The following MAML3 variants were observed in gnomAD, a reference collection of about 807,000 sequenced individuals.
The protein encoded by MAML3 is mastermind like transcriptional coactivator 3, also known as mastermind-like protein 3.
In MAML3, 27 loss-of-function variants were observed where a neutral mutation model predicts 101.9. That is an observed-to-expected ratio of 0.27 (90% CI 0.20 to 0.37). The LOEUF is 0.37. MAML3 is among the 10% of genes least tolerant of loss of function. The pLI is 1.00. For missense variants in MAML3, 1,316 were observed against 1,444.9 expected, an observed-to-expected ratio of 0.91 and a Z score of 1.45; for synonymous variants, 501 against 555.9, an observed-to-expected ratio of 0.90 and a Z score of 1.39.
chr4:140,132,573 A>C (rs529536591), intron 1 of MAML3, among the ~76,000 whole-genome samples: 2 of 152,356 alleles, frequency 1.3e-5, no homozygotes, highest in South Asian at 4.1e-4. Context: ...GGCTGTTTGA[A>C]CACTACTCAG....
At chr4:139,838,954 C>A (rs1731309979) in intron 2 of MAML3, among the ~76,000 whole-genome samples, 1 of 152,162 alleles carries the variant, frequency 6.6e-6, no homozygotes, top group South Asian at 2.1e-4. Flanking sequence ...TTTCTGAGAT[C>A]TTCTCTTCTG....
intron 1 of MAML3, among the ~76,000 whole-genome samples, chr4:140,152,583 C>G (rs531057451): frequency 6.6e-6 from 1 of 151,846 alleles, no homozygotes; most frequent in African/African-American, 2.4e-5. Context: ...CACCTCACTC[C>G]GACGCTCCTC....
chr4:139,844,927 T>C (rs1029235053), intron 2 of MAML3, among the ~76,000 whole-genome samples: 4 of 152,214 alleles, frequency 2.6e-5, no homozygotes, highest in Admixed American at 6.5e-5. Flanking sequence ...TTCCTTTCCT[T>C]TTGATATCAT....
intron 1 of MAML3, among the ~76,000 whole-genome samples, chr4:140,108,282 C>G (rs59108273): frequency 0.037 from 5,683 of 152,030 alleles, 293 homozygotes; most frequent in African/African-American, 0.12. Flanking sequence ...CTACCACGGG[C>G]TACTCTTGGG....
intron 1 of MAML3, among the ~76,000 whole-genome samples, chr4:140,113,222 T>A (rs1728466948): frequency 6.6e-6 from 1 of 151,998 alleles, no homozygotes; most frequent in African/African-American, 2.4e-5. Flanking sequence ...GAGCTTGCAG[T>A]GAGCCGAGAC....
intron 1 of MAML3, among the ~76,000 whole-genome samples, chr4:140,144,114 A>T (rs1729017771): frequency 6.6e-6 from 1 of 152,164 alleles, no homozygotes; most frequent in South Asian, 2.1e-4. Flanking sequence ...GTAGGATATT[A>T]GTAGAATCCC....
intron 2 of MAML3, among the ~76,000 whole-genome samples, chr4:139,843,371 C>T (rs1259451021): frequency 1.3e-5 from 2 of 152,176 alleles, no homozygotes; most frequent in African/African-American, 4.8e-5. Flanking sequence ...TTAGAAAACA[C>T]ACCAGAAAAT....
chr4:139,789,376 A>G (rs1039105604), intron 2 of MAML3, among the ~76,000 whole-genome samples: 1 of 152,086 alleles, frequency 6.6e-6, no homozygotes, highest in African/African-American at 2.4e-5. Flanking sequence ...AGGGTGTTGG[A>G]GCTGAGTCTG....
chr4:140,131,183 GC>G (rs1441679434), intron 1 of MAML3, among the ~76,000 whole-genome samples: 1 of 152,180 alleles, frequency 6.6e-6, no homozygotes, highest in Admixed American at 6.5e-5. Context: ...GAAGAAGGAT[GC>G]AGATATTCCT....
In MAML3 at chr4:139,726,915, C is replaced by G. The variant is rs959156736; in HGVS notation, c.2332-1080G>C. On this transcript the variant is annotated intron_variant, in intron 3 of 4. Coordinates refer to ENST00000509479, the MANE Select transcript of MAML3 (RefSeq NM_018717.5). ...AGAGAAAGAGGTTTCAGTTCTAGGTCTGCCGTCAAGTAGCTTGCGTGACCT... is the reference window on the plus strand; with the variant it reads ...AGAGAAAGAGGTTTCAGTTCTAGGTGTGCCGTCAAGTAGCTTGCGTGACCT... 2.0e-5 allele frequency among the ~76,000 whole-genome samples: 3 copies of G among 152,186 alleles called. No individual in the cohort carries two copies. The South Asian group carries it at 6.2e-4, about 31-fold the overall frequency.
At chr4:139,927,425 A>C (rs962844182) in intron 1 of MAML3, among the ~76,000 whole-genome samples, 5 of 152,180 alleles carry the variant, frequency 3.3e-5, no homozygotes, top group Admixed American at 2.0e-4. Context: ...TTGGTAGCAA[A>C]TAAGCATTTT....
chr4:140,012,439 TTC>T (rs1241170782), intron 1 of MAML3, among the ~76,000 whole-genome samples: 2 of 152,162 alleles, frequency 1.3e-5, no homozygotes, highest in East Asian at 3.9e-4. Flanking sequence ...AGTTCATCAG[TTC>T]TTTCTTCCTC....
At chr4:139,936,510 A>G (rs908693398) in intron 1 of MAML3, among the ~76,000 whole-genome samples, 6 of 152,130 alleles carry the variant, frequency 3.9e-5, no homozygotes, top group Non-Finnish European at 2.9e-5. Flanking sequence ...ATGCTCACCA[A>G]TATTGTTCTA....
intron 1 of MAML3, among the ~76,000 whole-genome samples, chr4:140,082,497 C>T (rs369776861): frequency 2.0e-5 from 3 of 152,166 alleles, no homozygotes; most frequent in Admixed American, 6.5e-5. Flanking sequence ...TTCCTCCCTG[C>T]CTGGTTGCCT....
At chr4:139,843,496 C>A (rs189412248) in intron 2 of MAML3, among the ~76,000 whole-genome samples, 4 of 152,266 alleles carry the variant, frequency 2.6e-5, no homozygotes, top group Admixed American at 2.6e-4. Flanking sequence ...TCTTAATTAC[C>A]CATGTTTAAG....
At position 139,735,801 on chromosome 4, in the gene MAML3, G is replaced by C. The variant is rs530971619; in HGVS notation, c.2080-5134C>G. ...CCCGGCAGGACCTAGACTGCCTCTC[G>C]GCGCAGGCGGCCCTAACAAAGAAGC... On this transcript the variant is annotated intron_variant, in intron 2 of 4. Transcript: ENST00000509479. The surrounding 1 kb of genome is among the most constrained non-coding windows in gnomAD (Gnocchi z 5.8). 1.7e-3 allele frequency among the ~76,000 whole-genome samples: 261 copies of C among 152,216 alleles called. 2 individuals are homozygous for C. The highest frequency in any genetic ancestry group is 5.7e-3 in the African/African-American group (236 of 41,536).
At chr4:140,143,979 G>A (rs1350678812) in intron 1 of MAML3, among the ~76,000 whole-genome samples, 4 of 152,070 alleles carry the variant, frequency 2.6e-5, no homozygotes, top group South Asian at 2.1e-4. Flanking sequence ...GAGTAATGCC[G>A]CATGTGTAAA....
chr4:139,943,745 GTAGCAGA>G (rs1215445024), intron 1 of MAML3, among the ~76,000 whole-genome samples: 4 of 151,870 alleles, frequency 2.6e-5, no homozygotes, highest in Non-Finnish European at 2.9e-5. Context: ...TCCTCTTGCA[GTAGCAGA>G]TTTTGTATGC....
intron 2 of MAML3, among the ~76,000 whole-genome samples, chr4:139,888,085 G>C (rs995998733): frequency 2.0e-5 from 3 of 152,178 alleles, no homozygotes; most frequent in African/African-American, 7.2e-5. Flanking sequence ...GGGGTTGTAA[G>C]GCTGAGGACA....
Sources: gnomAD v4.1 joint callset for allele counts (sites outside exome capture counted in the v4.1 genomes callset) on GRCh38, gnomAD v4.1.1 for gene constraint, Gnocchi (gnomAD v3.1) non-coding constraint, MANE v1.5 for transcripts, NCBI Gene and HGNC (gene_info 2026-07-23, HGNC 2026-07-21) for gene names.